The following CNOT6 variants were observed in gnomAD, a reference collection of about 807,000 sequenced individuals.
The protein encoded by CNOT6 is CCR4-NOT transcription complex subunit 6.
Under a neutral mutation model 61.2 loss-of-function variants are expected in CNOT6, and 12 were observed. The ratio of observed to expected loss-of-function variants is 0.20; its 90% CI spans 0.13 to 0.32. CNOT6 has a LOEUF of 0.32. Ranked by LOEUF, CNOT6 falls within the 10% of genes least tolerant of loss-of-function variation. The probability of loss-of-function intolerance (pLI) is 1.00; values close to 1 mark genes in which losing one functional copy is unlikely to be tolerated. For missense variants in CNOT6, 405 were observed against 663.9 expected, an observed-to-expected ratio of 0.61 and a Z score of 4.28; for synonymous variants, 225 against 240.6, an observed-to-expected ratio of 0.94 and a Z score of 0.60.
intron 10 of CNOT6, among the ~76,000 whole-genome samples, chr5:180,569,598 G>C (rs76921322): frequency 6.6e-6 from 1 of 152,122 alleles, no homozygotes; most frequent in Non-Finnish European, 1.5e-5. Flanking sequence ...TTTAAAGAAC[G>C]TATGTAGTTC....
At chr5:180,509,580 C>A (rs1315017707) in intron 1 of CNOT6, among the ~76,000 whole-genome samples, 1 of 150,416 alleles carries the variant, frequency 6.6e-6, no homozygotes, top group East Asian at 1.9e-4. Context: ...CCACACCTGG[C>A]TAATTTTTTT....
chr5:180,564,801 G>A, intron 6 of CNOT6, 58 bp downstream of exon 6: 1 of 1,261,334 alleles, frequency 7.9e-7, no homozygotes. Context: ...AAGCCTAACA[G>A]TATTGTCAGC....
chr5:180,566,814 G>C (rs1006090673), intron 7 of CNOT6, among the ~76,000 whole-genome samples: 10 of 151,736 alleles, frequency 6.6e-5, no homozygotes, highest in African/African-American at 2.4e-4. Context: ...CACCATGCCT[G>C]GCTAATTTTT....
chr5:180,542,496 C>T (rs1425260690), intron 2 of CNOT6, among the ~76,000 whole-genome samples: 2 of 152,182 alleles, frequency 1.3e-5, no homozygotes, highest in Non-Finnish European at 2.9e-5. Flanking sequence ...AACTCCTGAC[C>T]TCAAATGATC....
At chr5:180,535,939 A>G (rs997130096) in intron 2 of CNOT6, among the ~76,000 whole-genome samples, 3 of 136,916 alleles carry the variant, frequency 2.2e-5, no homozygotes, top group Non-Finnish European at 3.2e-5. Context: ...TTTGTTGGCA[A>G]TTTGTCTTTT....
chr5:180,498,707 G>A (rs1043723276), intron 1 of CNOT6, among the ~76,000 whole-genome samples: 2 of 152,248 alleles, frequency 1.3e-5, no homozygotes, highest in African/African-American at 2.4e-5. Context: ...GAGGAGCAAG[G>A]CGATTTGGAG....
At chr5:180,497,383 A>ATT (rs1756662032) in intron 1 of CNOT6, among the ~76,000 whole-genome samples, 1 of 151,930 alleles carries the variant, frequency 6.6e-6, no homozygotes, top group Non-Finnish European at 1.5e-5. Flanking sequence ...CAGTACCTAT[A>ATT]TTTGCCTTCT....
At chr5:180,567,062 T>A (rs1285899370) in intron 7 of CNOT6, 26 bp from the exon 8 acceptor site, 11 of 1,581,138 alleles carry the variant, frequency 7.0e-6, no homozygotes, top group Non-Finnish European at 9.4e-6. Context: ...TCTTATGAAA[T>A]AACTGTGCTG....
chr5:180,571,351 A>C lies in CNOT6; in HGVS notation c.1380A>C (p.Gly460=). Residue 460 remains glycine, a synonymous_variant, in exon 11 of 12, where the codon GGA becomes GGC. Transcript: ENST00000261951. ...ATGGGAAGAATGGAACCACCAATGG[A>C]AGGATCACTCATGGTTTCAAGTTAC... ...SCHGKNGTTN[G]RITHGFKLQS... 6.2e-7 allele frequency: 1 copy of C among 1,614,098 alleles called. No homozygotes were observed. The highest frequency in any genetic ancestry group is 1.1e-5 in the South Asian group (1 of 91,084).
intron 1 of CNOT6, among the ~76,000 whole-genome samples, chr5:180,526,460 C>T (rs1383952374): frequency 3.9e-5 from 6 of 152,058 alleles, no homozygotes; most frequent in African/African-American, 9.7e-5. Context: ...GGTGGGAGTT[C>T]GTAGAAAGGG....
At chr5:180,557,823 A>G (rs886616793) in intron 4 of CNOT6, among the ~76,000 whole-genome samples, 2 of 152,150 alleles carry the variant, frequency 1.3e-5, no homozygotes, top group Admixed American at 1.3e-4. Context: ...TAAAAGTTTT[A>G]TGGTCTTATG....
intron 1 of CNOT6, among the ~76,000 whole-genome samples, chr5:180,516,692 A>G (rs532636171): frequency 6.6e-5 from 10 of 152,304 alleles, no homozygotes; most frequent in African/African-American, 2.4e-4. Context: ...GTCTTCTCTC[A>G]TTGTCCATAA....
chr5:180,564,403 G>A (rs993972858), intron 4 of CNOT6, 86 bp from the exon 5 acceptor site: 2 of 870,172 alleles, frequency 2.3e-6, no homozygotes, highest in Non-Finnish European at 3.8e-6. Flanking sequence ...CATAGTTATG[G>A]ATGATCTGAT....
chr5:180,501,383 C>T (rs12187407), intron 1 of CNOT6, among the ~76,000 whole-genome samples: 70,457 of 151,934 alleles, frequency 0.46, 17,422 homozygotes, highest in Non-Finnish European at 0.56. Context: ...ACTTGGGAAA[C>T]AGAAGAACAG....
At chr5:180,495,133 G>T (rs1405300312) in intron 1 of CNOT6, among the ~76,000 whole-genome samples, 16 of 152,224 alleles carry the variant, frequency 1.1e-4, no homozygotes, top group Non-Finnish European at 1.5e-5. Flanking sequence ...TTTGAGAAGC[G>T]CCTCTGTGGG....
Position 180,529,296 on chromosome 5 carries a change from A to T in CNOT6, c.20A>T (p.Glu7Val). 1 of 1,612,154 alleles carries T rather than the reference A, an allele frequency of 6.2e-7. No individual in the cohort carries two copies. The highest frequency in any genetic ancestry group is 8.5e-7 in the Non-Finnish European group (1 of 1,178,510). Residue 7 changes from glutamate to valine, a missense_variant, in exon 2 of 12, where the codon GAG becomes GTG. Glu to Val is a moderately radical substitution (Grantham distance 121). Transcript: ENST00000261951. ...ACAGGCATGCCCAAAGAAAAATACG[A>T]GCCCCCTGACCCTCGGAGGATGTAT... MPKEKY[E>V]PPDPRRMYTI...
At chr5:180,547,101 C>T (rs957260037) in intron 2 of CNOT6, among the ~76,000 whole-genome samples, 1 of 152,112 alleles carries the variant, frequency 6.6e-6, no homozygotes, top group Non-Finnish European at 1.5e-5. Flanking sequence ...CAGAAAGTTG[C>T]AGGTTTTGGA....
intron 1 of CNOT6, chr5:180,495,854 AG>A (rs758576907): frequency 6.6e-6 from 1 of 152,254 alleles, no homozygotes; most frequent in Non-Finnish European, 1.5e-5. Context: ...ATTGATCAAA[AG>A]GGTTTAAAGG....
intron 2 of CNOT6, among the ~76,000 whole-genome samples, chr5:180,537,610 A>T (rs1272160161): frequency 6.6e-6 from 1 of 152,180 alleles, no homozygotes; most frequent in East Asian, 1.9e-4. Flanking sequence ...AGAAGTGCTG[A>T]ATTTAAATGG....
Sources: allele counts gnomAD v4.1 joint callset (sites outside exome capture counted in the v4.1 genomes callset), GRCh38; gene constraint gnomAD v4.1.1; transcripts MANE v1.5; gene names NCBI Gene and HGNC (gene_info 2026-07-23, HGNC 2026-07-21).